Variants in CFAP96 observed in about 807,000 individuals in gnomAD.
The protein encoded by CFAP96 is cilia-and flagella-associated protein 96.
chr4:185,431,986 C>A, the CFAP96 span: 1 of 1,550,596 alleles, frequency 6.4e-7, no homozygotes. Flanking sequence ...TTAAAGGACC[C>A]TTTAATGAGG....
At chr4:185,428,556 TAAA>T in the CFAP96 span, among the ~76,000 whole-genome samples, 47 of 143,394 alleles carry the variant, frequency 3.3e-4, no homozygotes, top group East Asian at 2.2e-3. Flanking sequence ...TGGGACTGTC[TAAA>T]AAAAAAAAAA....
the CFAP96 span, chr4:185,440,578 A>C: frequency 1.3e-5 from 20 of 1,535,030 alleles, no homozygotes; most frequent in Non-Finnish European, 1.4e-5. Context: ...TTAAAGGAGC[A>C]CCATTTAAGT....
chr4:185,427,794 G>A, the CFAP96 span, among the ~76,000 whole-genome samples: 142 of 139,440 alleles, frequency 1.0e-3, 7 homozygotes, highest in Non-Finnish European at 1.7e-3. Flanking sequence ...TAAGGTAAAA[G>A]GTTCTTACCA....
chr4:185,424,460 T>C, the CFAP96 span, among the ~76,000 whole-genome samples: 1 of 152,246 alleles, frequency 6.6e-6, no homozygotes, highest in Non-Finnish European at 1.5e-5. Flanking sequence ...GTCACTGTTT[T>C]TATTTATTCT....
the CFAP96 span, among the ~76,000 whole-genome samples, chr4:185,433,670 G>A: frequency 6.6e-6 from 1 of 152,158 alleles, no homozygotes; most frequent in Non-Finnish European, 1.5e-5. Flanking sequence ...GGGAGGCCGA[G>A]GCGGGCGGAT....
At chr4:185,427,345 G>A in the CFAP96 span, among the ~76,000 whole-genome samples, 1 of 152,190 alleles carries the variant, frequency 6.6e-6, no homozygotes, top group Non-Finnish European at 1.5e-5. Context: ...ATTTAGTTAT[G>A]TTTCAGTTTA....
the CFAP96 span, among the ~76,000 whole-genome samples, chr4:185,441,767 T>G: frequency 8.5e-5 from 13 of 152,062 alleles, no homozygotes; most frequent in African/African-American, 3.1e-4. Context: ...GAGGTAAGAA[T>G]CCAGCTTTTA....
chr4:185,426,879 CAAAAAAAAAAAAAAA>C, the CFAP96 span, among the ~76,000 whole-genome samples: 36 of 69,022 alleles, frequency 5.2e-4, no homozygotes, highest in African/African-American at 4.6e-4. Context: ...CTAAAAATAC[CAAAAAAAAAAAAAAA>C]AAAAAAAAAA....
the CFAP96 span, chr4:185,431,957 T>C: frequency 6.7e-7 from 1 of 1,500,664 alleles, no homozygotes; most frequent in Non-Finnish European, 9.0e-7. Flanking sequence ...CTCAAAATTA[T>C]AATATGCCTA....
At chr4:185,443,764 TTTAAC>T in the CFAP96 span, among the ~76,000 whole-genome samples, 41 of 151,306 alleles carry the variant, frequency 2.7e-4, no homozygotes, top group Non-Finnish European at 3.5e-4. Flanking sequence ...CTTGGGTTTA[TTTAAC>T]TTATGTATTT....
chr4:185,441,594 G>C, the CFAP96 span, among the ~76,000 whole-genome samples: 1 of 151,440 alleles, frequency 6.6e-6, no homozygotes, highest in Non-Finnish European at 1.5e-5. Flanking sequence ...TTAGAATAAT[G>C]TGGCTTCTTA....
the CFAP96 span, chr4:185,416,068 C>A: frequency 2.4e-6 from 1 of 414,404 alleles, no homozygotes; most frequent in Non-Finnish European, 4.2e-6. Context: ...TGAGATAACT[C>A]ACTACCCTCA....
chr4:185,441,159 T>C, the CFAP96 span, among the ~76,000 whole-genome samples: 2 of 152,160 alleles, frequency 1.3e-5, no homozygotes, highest in Non-Finnish European at 2.9e-5. Flanking sequence ...ACCCTAGGTC[T>C]AGTTTTTCTT....
the CFAP96 span, chr4:185,445,506 T>C: frequency 6.3e-7 from 1 of 1,578,108 alleles, no homozygotes; most frequent in Non-Finnish European, 8.7e-7. Context: ...GGAATCCTAA[T>C]GATGCTTGAG....
chr4:185,449,547 A>T, the CFAP96 span: 1 of 1,207,664 alleles, frequency 8.3e-7, no homozygotes, highest in Non-Finnish European at 1.2e-6. Context: ...ATGTACAGGT[A>T]TTTGACTTGC....
chr4:185,425,110 A>G, the CFAP96 span, among the ~76,000 whole-genome samples: 1 of 152,238 alleles, frequency 6.6e-6, no homozygotes, highest in African/African-American at 2.4e-5. Flanking sequence ...ACAGACATTT[A>G]GAAGTAGCAT....
At chr4:185,432,076 T>A in the CFAP96 span, 1 of 1,551,680 alleles carries the variant, frequency 6.4e-7, no homozygotes. Context: ...TTGATCCCCA[T>A]TTTGTAAGGA....
the CFAP96 span, chr4:185,449,521 T>C: frequency 1.1e-6 from 1 of 912,498 alleles, no homozygotes; most frequent in Non-Finnish European, 1.6e-6. Flanking sequence ...AGACCCGGTC[T>C]TAAAAAAAAA....
At chr4:185,448,171 C>T in the CFAP96 span, among the ~76,000 whole-genome samples, 1 of 152,090 alleles carries the variant, frequency 6.6e-6, no homozygotes, top group African/African-American at 2.4e-5. Context: ...CAGGCGCCCA[C>T]CACCACGCCC....
Sources: gnomAD v4.1 joint callset for allele counts (sites outside exome capture counted in the v4.1 genomes callset) on GRCh38, gnomAD v4.1.1 for gene constraint, MANE v1.5 for transcripts, NCBI Gene and HGNC (gene_info 2026-07-23, HGNC 2026-07-21) for gene names.